The following PTPRN2 variants were observed in gnomAD, a reference collection of about 807,000 sequenced individuals.
PTPRN2 encodes receptor-type tyrosine-protein phosphatase N2.
A neutral mutation model predicts 118.8 loss-of-function variants in PTPRN2; 74 were observed. That is an observed-to-expected ratio of 0.62 (90% CI 0.52 to 0.76). PTPRN2 has a LOEUF of 0.76. PTPRN2 is among the 30% of genes least tolerant of loss of function. The pLI is 0.00. For missense variants in PTPRN2, 1,481 were observed against 1,394.4 expected (o/e 1.06, Z -0.99); for synonymous variants, 641 against 608.0 (o/e 1.05, Z -0.80).
At chr7:157,936,090 C>T (rs1799683268) in intron 11 of PTPRN2, among the ~76,000 whole-genome samples, 2 of 152,178 alleles carry the variant, frequency 1.3e-5, no homozygotes, top group South Asian at 2.1e-4. Flanking sequence ...CTTCGCAATC[C>T]GAAAGTGAAC....
chr7:158,143,047 T>C (rs1364550163), intron 6 of PTPRN2, among the ~76,000 whole-genome samples: 2 of 152,092 alleles, frequency 1.3e-5, no homozygotes, highest in East Asian at 3.9e-4. Flanking sequence ...GAGCAACCTT[T>C]TCATTCTCAT....
chr7:157,683,109 C>G (rs1287298127), intron 12 of PTPRN2, among the ~76,000 whole-genome samples, 172 bp from the exon 13 acceptor site: 1 of 152,248 alleles, frequency 6.6e-6, no homozygotes, highest in Non-Finnish European at 1.5e-5. Context: ...AAAGGAGAAG[C>G]AGAAATCATT....
At chr7:158,207,522 A>G (rs1231795157) in intron 3 of PTPRN2, among the ~76,000 whole-genome samples, 1 of 152,098 alleles carries the variant, frequency 6.6e-6, no homozygotes, top group East Asian at 1.9e-4. Flanking sequence ...AACCTACAAA[A>G]TGGGAGAAAA....
rs186390054 is a variant in PTPRN2 at position 158,149,919 on chromosome 7, T to C, written c.911-11404A>G. On this transcript the variant is annotated intron_variant, in intron 6 of 22. Transcript: ENST00000389418. ...AAAAGTGGCAAGAATATATTTTAAA[T>C]TTAATATAAAATAAATAAAACATAT... 2.4e-3 allele frequency among the ~76,000 whole-genome samples: 365 copies of C among 152,082 alleles called. 2 individuals are homozygous for C. Among genetic ancestry groups the C allele is most frequent in the African/African-American group, 4.2e-3 (174 of 41,530 alleles).
chr7:158,078,394 T>C (rs1007136361), intron 11 of PTPRN2, among the ~76,000 whole-genome samples: 1 of 152,214 alleles, frequency 6.6e-6, no homozygotes, highest in African/African-American at 2.4e-5. Flanking sequence ...GCTCTTGAGT[T>C]CTGTATGTTG....
intron 11 of PTPRN2, among the ~76,000 whole-genome samples, chr7:158,046,838 C>T (rs772259211): frequency 6.6e-6 from 1 of 152,162 alleles, no homozygotes; most frequent in Admixed American, 6.5e-5. Flanking sequence ...ATTGAGGCGC[C>T]GAGCTCTTGT....
In PTPRN2 at chr7:157,813,186, C is replaced by T. The variant is rs988156465; in HGVS notation, c.1788+85487G>A. The stretch of plus-strand genomic sequence containing the variant: ...CAAGCATCTCCAGAGCGCGTGGGAC[C>T]GTAGAGAAGGCAGTGACAGGGCCAG... On this transcript the variant is annotated intron_variant, in intron 12 of 22. Coordinates refer to ENST00000389418, the MANE Select transcript of PTPRN2 (RefSeq NM_002847.5). This position sits in a 1 kb window ranked among gnomAD's most constrained non-coding sequence, Gnocchi z 4.7. Among the ~76,000 whole-genome samples the T allele has an allele frequency of 2.6e-5, 4 of 152,128 alleles. No individual in the cohort carries two copies. Among genetic ancestry groups the T allele is most frequent in the Non-Finnish European group, 4.4e-5 (3 of 68,036 alleles).
chr7:158,471,675 G>A (rs544649410), intron 2 of PTPRN2, among the ~76,000 whole-genome samples: 153 of 151,852 alleles, frequency 1.0e-3, no homozygotes, highest in African/African-American at 3.6e-3. Context: ...GGGACAGAGC[G>A]AGACTCCGTC....
intron 1 of PTPRN2, among the ~76,000 whole-genome samples, chr7:158,559,490 G>A (rs559489344): frequency 5.3e-5 from 8 of 152,220 alleles, no homozygotes; most frequent in South Asian, 2.1e-4. Context: ...CCGAATATTC[G>A]TTCCCAATGC....
intron 2 of PTPRN2, among the ~76,000 whole-genome samples, chr7:158,400,784 A>C (rs1456206617): frequency 6.6e-6 from 1 of 152,020 alleles, no homozygotes; most frequent in African/African-American, 2.4e-5. Flanking sequence ...CATCCTCTAC[A>C]CAAACGGAGG....
chr7:157,948,930 C>G (rs1164354516), intron 11 of PTPRN2, among the ~76,000 whole-genome samples: 1 of 152,066 alleles, frequency 6.6e-6, no homozygotes, highest in Non-Finnish European at 1.5e-5. Context: ...AAATATAGTA[C>G]TCGTGGGATT....
Position 157,979,568 on chromosome 7 carries a change from G to A in PTPRN2, c.1724-80831C>T, listed in dbSNP as rs79166722. On this transcript the variant is annotated intron_variant, in intron 11 of 22. Transcript: ENST00000389418. Reference sequence around the variant, plus strand: ...ACACTATGGGAGCCCACATTTTGCAGATAGGGAAACTGAGGCAGCTGGTCC... The same window carrying A: ...ACACTATGGGAGCCCACATTTTGCAAATAGGGAAACTGAGGCAGCTGGTCC... Among the ~76,000 whole-genome samples, 1,190 of 152,326 alleles carry A rather than the reference G, an allele frequency of 7.8e-3. 10 individuals are homozygous for A. The highest frequency in any genetic ancestry group is 0.027 in the African/African-American group (1,126 of 41,566).
chr7:158,561,370 G>C (rs921859460), intron 1 of PTPRN2, among the ~76,000 whole-genome samples: 117 of 152,100 alleles, frequency 7.7e-4, no homozygotes, highest in African/African-American at 2.8e-3. Flanking sequence ...GGGGGTGTGG[G>C]GCTCCTTCTG....
chr7:157,802,166 G>A (rs988567031), intron 12 of PTPRN2, among the ~76,000 whole-genome samples: 3 of 152,194 alleles, frequency 2.0e-5, no homozygotes, highest in South Asian at 2.1e-4. Context: ...GCTCTCAACC[G>A]TACGGCAGAT....
chr7:158,451,551 A>G (rs764782506), intron 2 of PTPRN2, among the ~76,000 whole-genome samples: 2 of 152,162 alleles, frequency 1.3e-5, no homozygotes, highest in Non-Finnish European at 2.9e-5. Flanking sequence ...TTCTTCTAAT[A>G]TGGATTCCAG....
At chr7:158,425,999 C>T (rs1815721830) in intron 2 of PTPRN2, among the ~76,000 whole-genome samples, 1 of 72,056 alleles carries the variant, frequency 1.4e-5, no homozygotes, top group Non-Finnish European at 2.6e-5. Flanking sequence ...TGCGCACCGC[C>T]GGGAAAGACG....
chr7:158,041,812 C>A lies in PTPRN2; in HGVS notation c.1723+39486G>T, dbSNP rs181773611. On this transcript the variant is annotated intron_variant, in intron 11 of 22. Transcript: ENST00000389418. ...TGCATGATCTTGGTGATTCTGAGGC[C>A]AGCTCTAAGTCTTTGCTGTCATTGA... Among the ~76,000 whole-genome samples the A allele has an allele frequency of 2.7e-3, 407 of 152,264 alleles. 1 individual carries two copies. Among genetic ancestry groups the A allele is most frequent in the African/African-American group, 9.4e-3 (390 of 41,556 alleles).
Position 157,753,933 on chromosome 7 carries a change from A to G in PTPRN2, c.1789-70996T>C, listed in dbSNP as rs1477624854. On this transcript the variant is annotated intron_variant, in intron 12 of 22. Transcript: ENST00000389418. ...AGGCATCACGCCCACACCTGCCACC[A>G]GGCCCAGCATCTTGCTCCCTCCTCA... Among the ~76,000 whole-genome samples, 3 of 152,160 alleles carry G rather than the reference A, an allele frequency of 2.0e-5. No individual in the cohort carries two copies. The East Asian group carries it at 5.8e-4, about 29-fold the overall frequency.
At chr7:157,856,681 G>A (rs893880965) in intron 12 of PTPRN2, among the ~76,000 whole-genome samples, 8 of 152,236 alleles carry the variant, frequency 5.3e-5, no homozygotes, top group Non-Finnish European at 1.0e-4. Context: ...TTCACTTCTT[G>A]CACACTGAGC....
Sources: allele counts gnomAD v4.1 joint callset (sites outside exome capture counted in the v4.1 genomes callset), GRCh38; gene constraint gnomAD v4.1.1; non-coding constraint Gnocchi (gnomAD v3.1); transcripts MANE v1.5; gene names NCBI Gene and HGNC (gene_info 2026-07-23, HGNC 2026-07-21).